Variants in RBFOX1 observed in about 807,000 individuals in gnomAD.
The protein encoded by RBFOX1 is RNA binding protein fox-1 homolog 1.
In RBFOX1, 8 loss-of-function variants were observed where a neutral mutation model predicts 57.7. The ratio of observed to expected loss-of-function variants is 0.14; its 90% confidence interval spans 0.08 to 0.25. The LOEUF is 0.25. Ranked by LOEUF, RBFOX1 falls within the 10% of genes least tolerant of loss-of-function variation. RBFOX1 has a pLI of 1.00. For missense variants in RBFOX1, 611 were observed against 548.5 expected (o/e 1.11, Z -1.14); for synonymous variants, 326 against 222.4 (o/e 1.47, Z -4.15).
chr16:7,415,596 T>A (rs573857050), intron 4 of RBFOX1, among the ~76,000 whole-genome samples: 9 of 152,266 alleles, frequency 5.9e-5, no homozygotes, highest in African/African-American at 2.2e-4. Flanking sequence ...AAATTTATAA[T>A]ATACGTAATA....
intron 4 of RBFOX1, among the ~76,000 whole-genome samples, chr16:7,250,369 A>G (rs2094460301): frequency 6.6e-6 from 1 of 152,212 alleles, no homozygotes; most frequent in African/African-American, 2.4e-5. Context: ...CACAATGATT[A>G]AATGCTTTAA....
At chr16:6,036,504 C>A (rs1306971350) in intron 1 of RBFOX1, among the ~76,000 whole-genome samples, 1 of 151,866 alleles carries the variant, frequency 6.6e-6, no homozygotes, top group South Asian at 2.1e-4. Context: ...TATGCAAATA[C>A]CTATCACTTA....
In RBFOX1 at chr16:7,160,614, C is replaced by T. The variant is rs148323659; in HGVS notation, c.27+108516C>T. Among the ~76,000 whole-genome samples, 201 of 152,178 alleles carry T rather than the reference C, an allele frequency of 1.3e-3. 2 individuals are homozygous for T. The East Asian group carries it at 0.031, about 24-fold the overall frequency. On this transcript the variant is annotated intron_variant, in intron 4 of 15. Coordinates refer to ENST00000550418, the MANE Select transcript of RBFOX1 (RefSeq NM_018723.4). ...CGTAATACAAACAATTATTTTATGG[C>T]TTTCTTTTTTCAGTATGATTTACAC...
intron 4 of RBFOX1, among the ~76,000 whole-genome samples, chr16:5,991,645 G>GTTTCTTTTTT (rs1567229409): frequency 2.4e-5 from 3 of 123,934 alleles, no homozygotes; most frequent in Non-Finnish European, 3.5e-5. Context: ...TTATTAGATA[G>GTTTCTTTTTT]TTTTTTTTTT....
intron 1 of RBFOX1, among the ~76,000 whole-genome samples, chr16:5,302,097 A>G (rs1245586511): frequency 3.3e-5 from 5 of 152,146 alleles, no homozygotes; most frequent in African/African-American, 1.2e-4. Context: ...CATCTAGGCT[A>G]GTGCTGGTTT....
intron 3 of RBFOX1, among the ~76,000 whole-genome samples, chr16:6,914,574 A>T (rs1488727453): frequency 6.7e-6 from 1 of 149,290 alleles, no homozygotes; most frequent in Non-Finnish European, 1.5e-5. Context: ...AAAAAAAAAA[A>T]CCCAAAACAG....
intron 1 of RBFOX1, among the ~76,000 whole-genome samples, chr16:6,193,224 A>G (rs562860966): frequency 6.6e-6 from 1 of 151,356 alleles, no homozygotes; most frequent in East Asian, 1.9e-4. Context: ...GCAGATTGAA[A>G]ATCCCCTTGC....
chr16:6,625,282 A>C (rs2098288940), intron 2 of RBFOX1, among the ~76,000 whole-genome samples: 1 of 152,096 alleles, frequency 6.6e-6, no homozygotes, highest in East Asian at 1.9e-4. Context: ...AGTGAGAAGG[A>C]CACAGAATAG....
At chr16:7,189,886 C>A (rs976961320) in intron 4 of RBFOX1, among the ~76,000 whole-genome samples, 1 of 152,210 alleles carries the variant, frequency 6.6e-6, no homozygotes, top group South Asian at 2.1e-4. Flanking sequence ...GCCCAACTCA[C>A]ATCCATAAGA....
intron 4 of RBFOX1, among the ~76,000 whole-genome samples, chr16:7,323,498 A>G (rs2096572104): frequency 6.6e-6 from 1 of 152,214 alleles, no homozygotes; most frequent in Admixed American, 6.5e-5. Context: ...ATCGCATTCA[A>G]AAAAAAGAAA....
chr16:7,134,490 C>A (rs1156421123), intron 4 of RBFOX1, among the ~76,000 whole-genome samples: 1 of 152,128 alleles, frequency 6.6e-6, no homozygotes, highest in Non-Finnish European at 1.5e-5. Context: ...GTCATTTGAT[C>A]GTATTGCTGT....
intron 2 of RBFOX1, among the ~76,000 whole-genome samples, chr16:6,426,085 CCTCTCT>C (rs145432245): frequency 4.2e-5 from 6 of 141,450 alleles, no homozygotes; most frequent in Admixed American, 1.4e-4. Flanking sequence ...TCATTTTCTC[CCTCTCT>C]CTCTCTCTCT....
chr16:7,461,175 A>AT (rs201758297), intron 4 of RBFOX1, among the ~76,000 whole-genome samples: 5,554 of 147,650 alleles, frequency 0.038, 365 homozygotes, highest in East Asian at 0.31. Context: ...AGGCAAAACA[A>AT]TTTTTTTTTT....
chr16:6,663,460 T>A (rs1189533154), intron 3 of RBFOX1, among the ~76,000 whole-genome samples: 1 of 152,168 alleles, frequency 6.6e-6, no homozygotes, highest in African/African-American at 2.4e-5. Context: ...AGGAGTGGAC[T>A]AGATCTGTGC....
chr16:6,256,805 C>T (rs1251128177), intron 1 of RBFOX1, among the ~76,000 whole-genome samples: 1 of 152,066 alleles, frequency 6.6e-6, no homozygotes, highest in Non-Finnish European at 1.5e-5. Flanking sequence ...AAGAAAATCA[C>T]CTTTGGTTGA....
intron 4 of RBFOX1, among the ~76,000 whole-genome samples, chr16:7,508,143 T>A (rs2073975385): frequency 6.6e-6 from 1 of 151,868 alleles, no homozygotes; most frequent in East Asian, 1.9e-4. Flanking sequence ...CCTGCCACAA[T>A]GCCTGGATAA....
chr16:7,209,533 C>T (rs1467423926), intron 4 of RBFOX1, among the ~76,000 whole-genome samples: 1 of 152,194 alleles, frequency 6.6e-6, no homozygotes, highest in African/African-American at 2.4e-5. Flanking sequence ...CTTGCCCTTC[C>T]TTCTGCTCTC....
At chr16:7,450,826 C>G (rs936189744) in intron 4 of RBFOX1, among the ~76,000 whole-genome samples, 8 of 152,000 alleles carry the variant, frequency 5.3e-5, no homozygotes, top group Non-Finnish European at 1.2e-4. Context: ...ATTCAGGGGT[C>G]TGGTGGGGTG....
At chr16:7,612,664 C>T (rs978715215) in intron 10 of RBFOX1, among the ~76,000 whole-genome samples, 1 of 151,844 alleles carries the variant, frequency 6.6e-6, no homozygotes, top group African/African-American at 2.4e-5. Context: ...ATCACGATAT[C>T]CAGCCAATGA....
Sources: gnomAD v4.1 joint callset for allele counts (sites outside exome capture counted in the v4.1 genomes callset) on GRCh38, gnomAD v4.1.1 for gene constraint, MANE v1.5 for transcripts, NCBI Gene and HGNC (gene_info 2026-07-23, HGNC 2026-07-21) for gene names.